The following RNF217 variants were observed in gnomAD, a reference collection of about 807,000 sequenced individuals.
The protein encoded by RNF217 is ring finger protein 217, also known as E3 ubiquitin-protein ligase RNF217.
Under a neutral mutation model 57.8 loss-of-function variants are expected in RNF217, and 31 were observed. The ratio of observed to expected loss-of-function variants is 0.54; its 90% CI spans 0.40 to 0.72. The LOEUF is 0.72. Among genes scored for constraint, RNF217 ranks in the 30% least tolerant of loss-of-function variants. The pLI is 0.00. For synonymous variants in RNF217, 313 were observed against 294.0 expected, an observed-to-expected ratio of 1.06 and a Z score of -0.66; for missense variants, 696 against 708.3, an observed-to-expected ratio of 0.98 and a Z score of 0.20.
In RNF217 at chr6:125,005,849, AATT is replaced by A. The variant is rs1435152740; in HGVS notation, c.883-39352_883-39350del. On this transcript the variant is annotated intron_variant, in intron 1 of 5. Transcript: ENST00000521654. ...TAGAGCATAGTTAGGAATTATGGGAAATTATTATTATTTATACTGGAAATTCAG... is the reference window on the plus strand; with the variant it reads ...TAGAGCATAGTTAGGAATTATGGGAAATTATTATTTATACTGGAAATTCAG... Among the ~76,000 whole-genome samples the A allele has an allele frequency of 2.6e-5, 4 of 152,292 alleles. No homozygotes were observed. In the South Asian group the frequency reaches 6.2e-4, roughly 24 times the overall value.
chr6:125,024,337 C>T (rs1474325297), intron 1 of RNF217, among the ~76,000 whole-genome samples: 1 of 152,122 alleles, frequency 6.6e-6, no homozygotes, highest in Non-Finnish European at 1.5e-5. Context: ...AATCCCAGCA[C>T]TTTGGGAGGC....
At chr6:125,014,726 T>C (rs933929082) in intron 1 of RNF217, among the ~76,000 whole-genome samples, 1 of 152,212 alleles carries the variant, frequency 6.6e-6, no homozygotes, top group African/African-American at 2.4e-5. Flanking sequence ...GATTCATTCA[T>C]TTACCTGGGA....
intron 4 of RNF217, 103 bp downstream of exon 4, chr6:125,076,961 C>T (rs893037870): frequency 1.0e-6 from 1 of 998,574 alleles, no homozygotes; most frequent in African/African-American, 1.6e-5. Flanking sequence ...CTGCCATGTG[C>T]CCAGTGTTCA....
chr6:124,993,164 C>G (rs903569599), intron 1 of RNF217, among the ~76,000 whole-genome samples: 2 of 152,120 alleles, frequency 1.3e-5, no homozygotes, highest in Non-Finnish European at 2.9e-5. Flanking sequence ...CTAAAGTTGA[C>G]TTACTATCAG....
intron 4 of RNF217, among the ~76,000 whole-genome samples, chr6:125,080,640 C>A (rs1788542348): frequency 6.6e-6 from 1 of 151,988 alleles, no homozygotes. Flanking sequence ...TTACTAACCT[C>A]TTTTTTGTGC....
At chr6:125,051,186 C>G (rs1787301323) in intron 2 of RNF217, among the ~76,000 whole-genome samples, 1 of 151,818 alleles carries the variant, frequency 6.6e-6, no homozygotes, top group Non-Finnish European at 1.5e-5. Context: ...TTAGCCTACA[C>G]TTCACCTAAA....
chr6:124,977,963 A>C (rs1784028868), intron 1 of RNF217, among the ~76,000 whole-genome samples: 1 of 152,184 alleles, frequency 6.6e-6, no homozygotes, highest in South Asian at 2.1e-4. Context: ...CAGTTGGTTT[A>C]AGAAAATCAA....
intron 1 of RNF217, among the ~76,000 whole-genome samples, chr6:124,974,290 G>C (rs1342748591): frequency 1.3e-5 from 2 of 152,084 alleles, no homozygotes; most frequent in Admixed American, 6.5e-5. Context: ...ATTAGCTTTC[G>C]AGCCTGAATT....
At chr6:125,009,904 G>C (rs1476331224) in intron 1 of RNF217, among the ~76,000 whole-genome samples, 2 of 151,498 alleles carry the variant, frequency 1.3e-5, no homozygotes, top group African/African-American at 4.9e-5. Context: ...TTTTAGACTA[G>C]TTTCAGAAAA....
chr6:124,963,227 A>T lies in RNF217; in HGVS notation c.683A>T (p.Tyr228Phe). ...GGCGGCAGCATCGAGCTGGAGTTCT[A>T]CCTGGCGCCCGAGCCGTTCTCCATG... ...PDGGSIELEF[Y>F]LAPEPFSMPS... Residue 228 changes from tyrosine (Y) to phenylalanine (F), a missense_variant, in exon 1 of 6, where the codon TAC becomes TTC. Physicochemically the swap from Tyr to Phe is conservative, Grantham distance 22. Around this residue, in one of 2 missense-constraint regions of RNF217, gnomAD observed 465 missense variants for 386.8 expected, o/e 1.20. Transcript: ENST00000521654. The T allele has an allele frequency of 6.5e-7, 1 of 1,535,688 alleles. No individual in the cohort carries two copies. The highest frequency in any genetic ancestry group is 8.7e-7 in the Non-Finnish European group (1 of 1,146,794).
intron 1 of RNF217, among the ~76,000 whole-genome samples, chr6:125,013,416 C>T (rs941747531): frequency 8.1e-5 from 12 of 147,930 alleles, no homozygotes; most frequent in Non-Finnish European, 1.5e-4. Context: ...GGTCGTGGAA[C>T]GGTTCATTGA....
intron 1 of RNF217, among the ~76,000 whole-genome samples, chr6:125,041,830 C>T (rs1437997418): frequency 6.6e-6 from 1 of 151,980 alleles, no homozygotes; most frequent in African/African-American, 2.4e-5. Flanking sequence ...CATCACACTA[C>T]CTAGCCCATA....
chr6:124,969,709 A>C (rs984975082), intron 1 of RNF217, among the ~76,000 whole-genome samples: 2 of 152,164 alleles, frequency 1.3e-5, no homozygotes, highest in Non-Finnish European at 2.9e-5. Flanking sequence ...AAAACATTTA[A>C]AGCTCCTGAC....
At position 125,019,833 on chromosome 6, in the gene RNF217, T is replaced by TG. The variant is rs1179372477; in HGVS notation, c.883-25370dup. 6.8e-5 allele frequency among the ~76,000 whole-genome samples: 10 copies of TG among 146,482 alleles called. No homozygotes were observed. The East Asian group carries it at 1.8e-3, about 27-fold the overall frequency. On this transcript the variant is annotated intron_variant, in intron 1 of 5. Transcript: ENST00000521654. ...TTGCTTGATGTCCCCTTTTTTGCAG[T>TG]GGGGGGGGAGTGAAAAAATCCTTTA...
chr6:124,991,639 A>T (rs902556943), intron 1 of RNF217, among the ~76,000 whole-genome samples: 2 of 152,212 alleles, frequency 1.3e-5, no homozygotes, highest in Non-Finnish European at 2.9e-5. Context: ...GTAGTAGGTG[A>T]TCAACAGACA....
At chr6:125,032,744 T>G (rs1308842051) in intron 1 of RNF217, among the ~76,000 whole-genome samples, 1 of 152,112 alleles carries the variant, frequency 6.6e-6, no homozygotes, top group Non-Finnish European at 1.5e-5. Context: ...TTTTAAAAAC[T>G]GAATTAAAAA....
rs551156214 is a variant in RNF217, at chr6:125,065,308, A to C, written c.1281+7202A>C. On this transcript the variant is annotated intron_variant, in intron 3 of 5. Transcript: ENST00000521654. ...TCTGTCTCAAAAAAAAAAAAAAAAAAAAGTCATGGAAATGTTATTTTGTGT... is the reference window on the plus strand; with the variant it reads ...TCTGTCTCAAAAAAAAAAAAAAAAACAAGTCATGGAAATGTTATTTTGTGT... 1.4e-4 allele frequency among the ~76,000 whole-genome samples: 22 copies of C among 151,776 alleles called. No individual in the cohort carries two copies. The South Asian group carries it at 2.1e-3, about 14-fold the overall frequency.
chr6:124,982,689 A>G (rs1170663627), intron 1 of RNF217, among the ~76,000 whole-genome samples: 1 of 152,206 alleles, frequency 6.6e-6, no homozygotes, highest in Non-Finnish European at 1.5e-5. Flanking sequence ...TTAATAAACA[A>G]TTGCTTTATG....
At position 124,962,503 on chromosome 6, in the gene RNF217, C is replaced by T. The variant is rs1273711875; in HGVS notation, c.-42C>T. The stretch of plus-strand genomic sequence containing the variant: ...GCCCGCGGGCGCCGGGTGGGGGTCC[C>T]GGCGGCTGGATGGGCAGCGGCGGCG... On this transcript the variant is annotated 5_prime_UTR_variant, in exon 1 of 6. Coordinates refer to ENST00000521654, the MANE Select transcript of RNF217 (RefSeq NM_001286398.3). The surrounding 1 kb of genome is among the most constrained non-coding windows in gnomAD (Gnocchi z 4.6). The T allele has an allele frequency of 7.6e-6, 8 of 1,057,324 alleles. No individual in the cohort carries two copies. The highest frequency in any genetic ancestry group is 9.3e-6 in the Non-Finnish European group (8 of 855,808). 65.5% of individuals were successfully genotyped at this position (1,057,324 alleles called of 1,614,324 possible). A position where few individuals can be genotyped will look rare whatever the true frequency, so the allele number is the denominator to read the frequency against.
Sources: gnomAD v4.1 joint callset for allele counts (sites outside exome capture counted in the v4.1 genomes callset) on GRCh38, gnomAD v4.1.1 for gene constraint, gnomAD v4.1.1 regional missense constraint, Gnocchi (gnomAD v3.1) non-coding constraint, MANE v1.5 for transcripts, NCBI Gene and HGNC (gene_info 2026-07-23, HGNC 2026-07-21) for gene names.